The following PITPNC1 variants were observed in gnomAD, a reference collection of about 807,000 sequenced individuals.
The protein encoded by PITPNC1 is cytoplasmic phosphatidylinositol transfer protein 1.
In PITPNC1, 18 loss-of-function variants were observed where a neutral mutation model predicts 44.7. That is an observed-to-expected ratio of 0.40 (90% CI 0.28 to 0.60). The LOEUF (loss-of-function observed/expected upper bound fraction) is 0.60. Among genes scored for constraint, PITPNC1 ranks in the 20% least tolerant of loss-of-function variants. The probability of loss-of-function intolerance (pLI) is 0.39; values close to 1 mark genes in which losing one functional copy is unlikely to be tolerated. For synonymous variants in PITPNC1, 141 were observed against 149.6 expected (o/e 0.94, Z 0.42); for missense variants, 290 against 418.4 (o/e 0.69, Z 2.68).
chr17:67,499,096 A>T (rs1178184908), intron 1 of PITPNC1, among the ~76,000 whole-genome samples: 20 of 151,130 alleles, frequency 1.3e-4, no homozygotes, highest in African/African-American at 4.1e-4. Context: ...CTGGTCTCGA[A>T]CTCCTGACCT....
chr17:67,437,497 C>T (rs1567989533), intron 1 of PITPNC1, among the ~76,000 whole-genome samples: 1 of 152,128 alleles, frequency 6.6e-6, no homozygotes, highest in African/African-American at 2.4e-5. Flanking sequence ...TGGGCTTCTA[C>T]CCTGCAGAAC....
chr17:67,627,616 T>C (rs2041911382), intron 5 of PITPNC1, among the ~76,000 whole-genome samples: 1 of 152,204 alleles, frequency 6.6e-6, no homozygotes, highest in Non-Finnish European at 1.5e-5. Context: ...TTTTTCTTTC[T>C]AGAAAGATGC....
chr17:67,505,652 T>C (rs1156541229), intron 1 of PITPNC1, among the ~76,000 whole-genome samples: 1 of 152,196 alleles, frequency 6.6e-6, no homozygotes, highest in African/African-American at 2.4e-5. Flanking sequence ...TTGGGTCTTT[T>C]TTTTAGTAGA....
intron 1 of PITPNC1, among the ~76,000 whole-genome samples, chr17:67,381,927 G>A (rs2037966529): frequency 6.6e-6 from 1 of 152,158 alleles, no homozygotes; most frequent in African/African-American, 2.4e-5. Flanking sequence ...GGGCGGTGGA[G>A]CATTAGTGGC....
At chr17:67,525,520 A>G (rs2040380895) in intron 1 of PITPNC1, 1 of 152,236 alleles carries the variant, frequency 6.6e-6, no homozygotes, top group African/African-American at 2.4e-5. Flanking sequence ...ATTACCAGAA[A>G]AAGAGACAGC....
intron 1 of PITPNC1, among the ~76,000 whole-genome samples, chr17:67,439,075 C>G (rs752949252): frequency 1.3e-5 from 2 of 152,274 alleles, no homozygotes; most frequent in Non-Finnish European, 2.9e-5. Flanking sequence ...TGGTTGGTTT[C>G]GGACACACAG....
At chr17:67,414,329 G>A (rs2038554226) in intron 1 of PITPNC1, among the ~76,000 whole-genome samples, 1 of 152,138 alleles carries the variant, frequency 6.6e-6, no homozygotes, top group Non-Finnish European at 1.5e-5. Flanking sequence ...TCAACCAATT[G>A]TGGTATATCT....
intron 6 of PITPNC1, among the ~76,000 whole-genome samples, chr17:67,644,528 G>C (rs2042126317): frequency 6.7e-6 from 1 of 149,552 alleles, no homozygotes; most frequent in South Asian, 2.1e-4. Context: ...TCTGCCTCCT[G>C]GGTTCAAGCG....
chr17:67,609,478 C>T (rs552647194), intron 5 of PITPNC1, among the ~76,000 whole-genome samples: 31 of 151,898 alleles, frequency 2.0e-4, no homozygotes, highest in African/African-American at 4.8e-4. Flanking sequence ...TTAATAGAGA[C>T]GGGATTTCAC....
intron 7 of PITPNC1, among the ~76,000 whole-genome samples, chr17:67,674,185 A>C (rs2042562063): frequency 6.6e-6 from 1 of 151,850 alleles, no homozygotes; most frequent in South Asian, 2.1e-4. Flanking sequence ...TTACACTCTT[A>C]AGTTATTTTA....
intron 1 of PITPNC1, among the ~76,000 whole-genome samples, chr17:67,522,719 A>G (rs1221599331): frequency 7.1e-6 from 1 of 140,084 alleles, no homozygotes; most frequent in Non-Finnish European, 1.5e-5. Flanking sequence ...GCACAGTGGT[A>G]TGATCATAGC....
intron 5 of PITPNC1, among the ~76,000 whole-genome samples, chr17:67,610,947 GA>G (rs1055425545): frequency 6.7e-6 from 1 of 149,532 alleles, no homozygotes; most frequent in African/African-American, 2.5e-5. Flanking sequence ...AAAAAGAAAA[GA>G]AAAAAATATT....
intron 1 of PITPNC1, among the ~76,000 whole-genome samples, chr17:67,413,401 T>TTTTCTTTCTTTCTTTCTTTC (rs151166964): frequency 0.059 from 8,566 of 145,484 alleles, 319 homozygotes; most frequent in Middle Eastern, 0.089. Flanking sequence ...ATGTGCTTAA[T>TTTTCTTTCTTTCTTTCTTTC]TTTCTTTCTT....
At chr17:67,384,271 C>T (rs2038007762) in intron 1 of PITPNC1, among the ~76,000 whole-genome samples, 1 of 151,730 alleles carries the variant, frequency 6.6e-6, no homozygotes, top group Non-Finnish European at 1.5e-5. Flanking sequence ...TCTTTTTTGC[C>T]CTGGCAGGGA....
At chr17:67,451,432 C>T (rs1452367452) in intron 1 of PITPNC1, among the ~76,000 whole-genome samples, 3 of 152,150 alleles carry the variant, frequency 2.0e-5, no homozygotes, top group Admixed American at 6.6e-5. Context: ...TAAATCCATA[C>T]ATCTGTGCAG....
intron 1 of PITPNC1, among the ~76,000 whole-genome samples, chr17:67,487,371 C>T (rs2039795235): frequency 6.6e-6 from 1 of 152,082 alleles, no homozygotes; most frequent in African/African-American, 2.4e-5. Flanking sequence ...GGTGGGGCTT[C>T]ACCATGTTGA....
At chr17:67,498,702 C>G (rs2039988013) in intron 1 of PITPNC1, among the ~76,000 whole-genome samples, 1 of 152,176 alleles carries the variant, frequency 6.6e-6, no homozygotes, top group Non-Finnish European at 1.5e-5. Flanking sequence ...TCCTTGCCAA[C>G]ACTTGTTATT....
intron 1 of PITPNC1, among the ~76,000 whole-genome samples, chr17:67,388,860 TCCAC>T (rs918722536): frequency 4.6e-5 from 7 of 152,202 alleles, no homozygotes; most frequent in African/African-American, 1.7e-4. Context: ...CCTCCGGTGA[TCCAC>T]CCGCCTCGGC....
chr17:67,686,359 A>G (rs2042815755), intron 8 of PITPNC1, among the ~76,000 whole-genome samples: 1 of 151,408 alleles, frequency 6.6e-6, no homozygotes, highest in South Asian at 2.1e-4. Context: ...TTAAGAGATC[A>G]TTATCCTGAA....
Sources: allele counts gnomAD v4.1 joint callset (sites outside exome capture counted in the v4.1 genomes callset), GRCh38; gene constraint gnomAD v4.1.1; transcripts MANE v1.5; gene names NCBI Gene and HGNC (gene_info 2026-07-23, HGNC 2026-07-21).